The following LRMDA variants were observed in gnomAD, a reference collection of about 807,000 sequenced individuals.
LRMDA encodes the protein leucine rich melanocyte differentiation associated.
In LRMDA, 18 loss-of-function variants were observed where a neutral mutation model predicts 29.8. The observed-to-expected ratio is 0.60, with a 90% confidence interval of 0.42 to 0.90. The LOEUF (loss-of-function observed/expected upper bound fraction) is 0.90, where lower values mean the gene tolerates loss of function less well. LRMDA is among the 40% of genes least tolerant of loss of function. The probability of loss-of-function intolerance (pLI) is 0.00; values close to 1 mark genes in which losing one functional copy is unlikely to be tolerated. For missense variants in LRMDA, 273 were observed against 273.9 expected (o/e 1.00, Z 0.02); for synonymous variants, 125 against 109.4 (o/e 1.14, Z -0.89).
chr10:75,976,692 A>T (rs1037674707), intron 2 of LRMDA, among the ~76,000 whole-genome samples: 4 of 152,224 alleles, frequency 2.6e-5, no homozygotes, highest in Admixed American at 2.6e-4. Flanking sequence ...TAGTGTTTAC[A>T]ATGACCACAG....
chr10:75,558,213 T>TA (rs1564800115), intron 2 of LRMDA, among the ~76,000 whole-genome samples: 2 of 151,294 alleles, frequency 1.3e-5, no homozygotes, highest in African/African-American at 4.9e-5. Flanking sequence ...TGATCTCTGC[T>TA]AAAAAACTTT....
intron 5 of LRMDA, among the ~76,000 whole-genome samples, chr10:76,227,745 G>A (rs1256683193): frequency 6.6e-6 from 1 of 152,154 alleles, no homozygotes; most frequent in Non-Finnish European, 1.5e-5. Flanking sequence ...CTCTGAGAAA[G>A]GGAGACAGGT....
intron 2 of LRMDA, among the ~76,000 whole-genome samples, chr10:75,707,541 G>A (rs942332986): frequency 1.3e-5 from 2 of 152,246 alleles, no homozygotes; most frequent in African/African-American, 4.8e-5. Context: ...GACCGAGGAT[G>A]CTGAGCAGGG....
chr10:76,526,072 T>C (rs1449197071), intron 6 of LRMDA, among the ~76,000 whole-genome samples: 1 of 404 alleles, frequency 2.5e-3, no homozygotes, highest in Non-Finnish European at 5.3e-3. Context: ...AATCTTTGAC[T>C]GTACAAAAGT....
At chr10:76,096,142 A>G (rs900711470) in intron 5 of LRMDA, among the ~76,000 whole-genome samples, 4 of 152,096 alleles carry the variant, frequency 2.6e-5, no homozygotes, top group African/African-American at 9.7e-5. Context: ...CTTTATCAAC[A>G]TTTTTCTTTT....
intron 4 of LRMDA, among the ~76,000 whole-genome samples, chr10:76,055,085 A>G (rs1325908521): frequency 2.7e-5 from 4 of 148,024 alleles, no homozygotes; most frequent in African/African-American, 2.5e-5. Context: ...AAAAAAAAAA[A>G]AAAAAAAAAG....
intron 2 of LRMDA, among the ~76,000 whole-genome samples, chr10:76,028,818 C>A (rs1282742826): frequency 7.6e-6 from 1 of 131,068 alleles, no homozygotes; most frequent in Non-Finnish European, 1.6e-5. Context: ...TATTCAAAGC[C>A]TTTTTTTTTT....
intron 2 of LRMDA, among the ~76,000 whole-genome samples, chr10:75,913,405 A>G (rs1472245073): frequency 6.6e-6 from 1 of 152,156 alleles, no homozygotes; most frequent in Non-Finnish European, 1.5e-5. Context: ...GCAGTGAGCC[A>G]AGATCGCGCC....
At chr10:76,076,723 C>T (rs1433831653) in intron 5 of LRMDA, among the ~76,000 whole-genome samples, 3 of 152,064 alleles carry the variant, frequency 2.0e-5, no homozygotes, top group African/African-American at 7.2e-5. Flanking sequence ...CAGGAGATGA[C>T]ATGATTCAGG....
At chr10:76,518,434 C>T (rs1054732727) in intron 6 of LRMDA, among the ~76,000 whole-genome samples, 6 of 151,952 alleles carry the variant, frequency 3.9e-5, no homozygotes, top group Non-Finnish European at 5.9e-5. Flanking sequence ...ATAGACCTTT[C>T]GATTCACCAA....
intron 5 of LRMDA, among the ~76,000 whole-genome samples, chr10:76,275,395 T>C (rs961796174): frequency 3.3e-5 from 5 of 152,076 alleles, no homozygotes; most frequent in Non-Finnish European, 5.9e-5. Flanking sequence ...ACTATATTTT[T>C]TTCTTCATTT....
chr10:75,801,274 G>A (rs1589210899), intron 2 of LRMDA, among the ~76,000 whole-genome samples: 1 of 152,206 alleles, frequency 6.6e-6, no homozygotes, highest in Non-Finnish European at 1.5e-5. Context: ...CACCTGTTCT[G>A]TTCTGGTATT....
chr10:75,776,221 ACTGCTGCTATTG>A (rs1843310272), intron 2 of LRMDA, among the ~76,000 whole-genome samples: 1 of 152,114 alleles, frequency 6.6e-6, no homozygotes, highest in Admixed American at 6.6e-5. Flanking sequence ...GCCTTTTACA[ACTGCTGCTATTG>A]CTGCTTTTTC....
At chr10:75,904,710 C>A (rs182622567) in intron 2 of LRMDA, among the ~76,000 whole-genome samples, 1 of 152,190 alleles carries the variant, frequency 6.6e-6, no homozygotes, top group Non-Finnish European at 1.5e-5. Context: ...GCGCTCTTTG[C>A]GGCCTGAGAC....
intron 2 of LRMDA, among the ~76,000 whole-genome samples, chr10:75,445,798 A>G (rs1844386648): frequency 6.6e-6 from 1 of 152,266 alleles, no homozygotes; most frequent in Non-Finnish European, 1.5e-5. Flanking sequence ...TCAACCTGGC[A>G]ATAAAAGCGA....
In LRMDA at chr10:76,501,056, T is replaced by C. The variant is rs1398173240; in HGVS notation, c.602-56153T>C. Among the ~76,000 whole-genome samples the C allele has an allele frequency of 8.1e-5, 6 of 74,310 alleles. 3 individuals carry two copies. Among genetic ancestry groups the C allele is most frequent in the Admixed American group, 7.5e-4 (6 of 7,974 alleles). 48.8% of individuals were successfully genotyped at this position (74,310 alleles called of 152,430 possible). A position where few individuals can be genotyped will look rare whatever the true frequency, so the allele number is the denominator to read the frequency against. ...TTCTCCTCTCTAGTAGTCTCCAGTG[T>C]TGATCGTTGTTTCCATTTGTATGTC... On this transcript the variant is annotated intron_variant, in intron 6 of 6. Transcript: ENST00000611255.
intron 6 of LRMDA, among the ~76,000 whole-genome samples, chr10:76,456,469 T>C (rs1842457828): frequency 6.6e-6 from 1 of 152,142 alleles, no homozygotes; most frequent in African/African-American, 2.4e-5. Flanking sequence ...GACTCAGATG[T>C]CCATTGAAAA....
intron 6 of LRMDA, among the ~76,000 whole-genome samples, chr10:76,358,891 T>C (rs1223237935): frequency 2.6e-5 from 4 of 152,208 alleles, no homozygotes; most frequent in Non-Finnish European, 5.9e-5. Context: ...TTCATTGATT[T>C]GAATAACTCT....
chr10:75,723,793 A>G (rs1024528775), intron 2 of LRMDA, among the ~76,000 whole-genome samples: 1 of 152,182 alleles, frequency 6.6e-6, no homozygotes, highest in Non-Finnish European at 1.5e-5. Flanking sequence ...GGAAAATTTG[A>G]TAGTTGTTTC....
Sources: allele counts gnomAD v4.1 joint callset (sites outside exome capture counted in the v4.1 genomes callset), GRCh38; gene constraint gnomAD v4.1.1; transcripts MANE v1.5; gene names NCBI Gene and HGNC (gene_info 2026-07-23, HGNC 2026-07-21).